The following ETV7 variants were observed in gnomAD, a reference collection of about 807,000 sequenced individuals.
ETV7 encodes the protein transcription factor ETV7.
ETV7 carries 43 observed loss-of-function variants against 39.1 expected under a neutral mutation model. That is an observed-to-expected ratio of 1.10 (90% CI 0.86 to 1.42). The LOEUF (loss-of-function observed/expected upper bound fraction) is 1.42. Among genes scored for constraint, ETV7 ranks in the 40% most tolerant of loss-of-function variants. ETV7 has a pLI of 0.00. For missense variants in ETV7, 432 were observed against 442.3 expected, an observed-to-expected ratio of 0.98 and a Z score of 0.21; for synonymous variants, 196 against 176.6, an observed-to-expected ratio of 1.11 and a Z score of -0.87.
chr6:36,362,281 GAAAGAGCGAGACTCTGTCTC>G (rs1285141077), downstream of ETV7, among the ~76,000 whole-genome samples: 6 of 151,560 alleles, frequency 4.0e-5, no homozygotes, highest in Non-Finnish European at 8.8e-5. Context: ...CGGCCTGTGT[GAAAGAGCGAGACTCTGTCTC>G]AAAAAAAAAA....
Position 36,373,377 on chromosome 6 carries a change from G to C in ETV7, c.433+76C>G, listed in dbSNP as rs576401158. ...CACTGGCCACCTCTTTCATTGCTTCGCCTTGAGGATGTCCTGCCCTCCCAG... is the reference window on the plus strand; with the variant it reads ...CACTGGCCACCTCTTTCATTGCTTCCCCTTGAGGATGTCCTGCCCTCCCAG... On this transcript the variant is annotated intron_variant, in intron 4 of 7. Transcript: ENST00000340181. 25 of 1,421,644 alleles carry C rather than the reference G, an allele frequency of 1.8e-5. No individual in the cohort carries two copies. The South Asian group carries it at 2.7e-4, about 16-fold the overall frequency. The allele number at this position is 1,421,644 out of a possible 1,614,324, so 88.1% of individuals were successfully genotyped here.
At position 36,366,674 on chromosome 6, in the gene ETV7, T is replaced by C; in HGVS notation, c.997A>G (p.Lys333Glu). 6.2e-7 allele frequency: 1 copy of C among 1,614,152 alleles called. No homozygotes were observed. The highest frequency in any genetic ancestry group is 8.5e-7 in the Non-Finnish European group (1 of 1,180,034). The change falls in exon 8 of 8, where the codon AAG (lysine) becomes GAG (glutamate). Residue 333 changes from lysine to glutamate, a missense_variant. Transcript: ENST00000340181. ...ESQEQDRIEF[K>E]DKRPEISP Reference sequence around the variant, plus strand: ...GGAGAGATTTCTGGCCTCTTGTCCTTGAACTCTATTCTGTCCTGCTCCTGG... The same window carrying C: ...GGAGAGATTTCTGGCCTCTTGTCCTCGAACTCTATTCTGTCCTGCTCCTGG...
chr6:36,374,590 A>G (rs761185644), intron 3 of ETV7, among the ~76,000 whole-genome samples: 2 of 152,214 alleles, frequency 1.3e-5, no homozygotes, highest in Non-Finnish European at 2.9e-5. Flanking sequence ...GACCAGCCCC[A>G]AGCTCACCTG....
intron 5 of ETV7, among the ~76,000 whole-genome samples, chr6:36,371,052 A>C (rs995219770): frequency 6.6e-6 from 1 of 152,256 alleles, no homozygotes; most frequent in Non-Finnish European, 1.5e-5. Context: ...ATAAAGTTTT[A>C]AAAGGCAGGT....
rs1046309462 is a variant in ETV7, at chr6:36,366,627, C to G, written c.*18G>C. 2 of 1,614,134 alleles carry G rather than the reference C, an allele frequency of 1.2e-6. No homozygotes were observed. Among genetic ancestry groups the G allele is most frequent in the Non-Finnish European group, 1.7e-6 (2 of 1,180,024 alleles). The stretch of plus-strand genomic sequence containing the variant: ...TCCCTGCCCCATCGGTACCGGGTGC[C>G]TGGAGTCCACCTGCCCCTCACGGAG... On this transcript the variant is annotated 3_prime_UTR_variant, in exon 8 of 8. Transcript: ENST00000340181.
downstream of ETV7, among the ~76,000 whole-genome samples, chr6:36,363,071 G>A (rs557182359): frequency 2.6e-5 from 4 of 151,740 alleles, no homozygotes; most frequent in East Asian, 3.9e-4. Flanking sequence ...TGAGGGCCTG[G>A]ATAAATTCAT....
At chr6:36,355,272 T>C (rs184842004) in intron 7 of ETV7, among the ~76,000 whole-genome samples, 2 of 152,334 alleles carry the variant, frequency 1.3e-5, no homozygotes, top group Admixed American at 1.3e-4. Context: ...TCTTGGTTTG[T>C]TGAATATTTT....
intron 7 of ETV7, among the ~76,000 whole-genome samples, chr6:36,360,636 C>T (rs1357786466): frequency 2.6e-5 from 4 of 152,132 alleles, no homozygotes; most frequent in Admixed American, 2.0e-4. Flanking sequence ...AGTCAGCCAC[C>T]GCCCGGCCCC....
chr6:36,369,220 CT>C, intron 5 of ETV7, 149 bp from the exon 6 acceptor site: 1 of 812,110 alleles, frequency 1.2e-6, no homozygotes, highest in South Asian at 1.7e-5. Flanking sequence ...GAAACAGCCA[CT>C]AATGGGGCTC....
downstream of ETV7, among the ~76,000 whole-genome samples, chr6:36,365,795 C>T (rs1772690036): frequency 6.6e-6 from 1 of 152,196 alleles, no homozygotes; most frequent in Admixed American, 6.5e-5. Flanking sequence ...GTGTCCTCAT[C>T]TTCACGCCTG....
intron 7 of ETV7, among the ~76,000 whole-genome samples, chr6:36,358,302 CAAGCTTTTGTTTCTGTCA>C (rs1365405931): frequency 6.6e-6 from 1 of 152,192 alleles, no homozygotes; most frequent in Non-Finnish European, 1.5e-5. Context: ...GTTGAGCTGC[CAAGCTTTTGTTTCTGTCA>C]TTTCACTGGG....
Position 36,383,157 on chromosome 6 carries a change from G to A in ETV7, c.142+2377C>T, listed in dbSNP as rs569863450. ...CCAGCTGTCCCTGCCCTGCAGCTGC[G>A]TCCCCCCATAGCTCCTGACTCACTC... On this transcript the variant is annotated intron_variant, in intron 2 of 7. Coordinates refer to ENST00000340181, the MANE Select transcript of ETV7 (RefSeq NM_016135.4). Among the ~76,000 whole-genome samples the A allele has an allele frequency of 8.5e-5, 13 of 152,288 alleles. No individual in the cohort carries two copies. The South Asian group carries it at 1.2e-3, about 15-fold the overall frequency.
At chr6:36,373,133 A>G (rs1218519149) in intron 4 of ETV7, among the ~76,000 whole-genome samples, 1 of 152,084 alleles carries the variant, frequency 6.6e-6, no homozygotes, top group Non-Finnish European at 1.5e-5. Flanking sequence ...GAGAGTGGCC[A>G]TGGAATGGAC....
intron 1 of ETV7, chr6:36,387,036 T>G: frequency 2.8e-5 from 5 of 175,542 alleles, no homozygotes; most frequent in South Asian, 2.1e-4. Context: ...CAGGGAAGGG[T>G]CTGATAATGG....
chr6:36,366,751 G>A lies in ETV7; in HGVS notation c.920C>T (p.Thr307Ile). 1.2e-6 allele frequency: 2 copies of A among 1,614,012 alleles called. No individual in the cohort carries two copies. Among genetic ancestry groups the A allele is most frequent in the Non-Finnish European group, 1.7e-6 (2 of 1,179,990 alleles). The change falls in exon 8 of 8, where the codon ACT becomes ATT. Residue 307 changes from threonine to isoleucine, a missense_variant. By Grantham distance (89) the Thr-to-Ile change is moderately conservative. Coordinates refer to ENST00000340181, the MANE Select transcript of ETV7 (RefSeq NM_016135.4). ...CTTGTCCTGGACCATCTTTCCCGGA[G>A]TCTTTAGAAATCTAGAATTCAGGCC... ...GQKLLFRFLK[T>I]PGKMVQDKHS...
rs146483085 is a variant in ETV7, at chr6:36,359,816, G to T, written c.909-5129C>A. On this transcript the variant is annotated intron_variant, in intron 7 of 7. Coordinates refer to the ETV7 transcript ENST00000339796. Reference sequence around the variant, plus strand: ...TGTGCTAAGCAGGGCAAAGGATGTTGTCTTTCATTTTACAAAAGTAGAAAG... The same window carrying T: ...TGTGCTAAGCAGGGCAAAGGATGTTTTCTTTCATTTTACAAAAGTAGAAAG... Among the ~76,000 whole-genome samples the T allele has an allele frequency of 2.4e-3, 366 of 152,240 alleles. 1 individual carries two copies. Among genetic ancestry groups the T allele is most frequent in the African/African-American group, 8.4e-3 (347 of 41,552 alleles).
At chr6:36,373,601 G>GGGGGCC in intron 3 of ETV7, 23 bp from the exon 4 acceptor site, 1 of 475,650 alleles carries the variant, frequency 2.1e-6, no homozygotes, top group Non-Finnish European at 4.0e-6. Context: ...GGGAGGGAGG[G>GGGGGCC]CAGGCTGCTG....
downstream of ETV7, among the ~76,000 whole-genome samples, chr6:36,363,559 G>A (rs1385515329): frequency 4.6e-5 from 7 of 152,242 alleles, no homozygotes; most frequent in Admixed American, 6.5e-5. Context: ...AATAAAAGCA[G>A]CGTGGACCCA....
chr6:36,378,474 T>G (rs1404421593), intron 2 of ETV7, among the ~76,000 whole-genome samples: 3 of 152,200 alleles, frequency 2.0e-5, no homozygotes, highest in African/African-American at 7.2e-5. Context: ...AACACACATT[T>G]GACTACATTA....
Sources: allele counts gnomAD v4.1 joint callset (sites outside exome capture counted in the v4.1 genomes callset), GRCh38; gene constraint gnomAD v4.1.1; transcripts MANE v1.5; gene names NCBI Gene and HGNC (gene_info 2026-07-23, HGNC 2026-07-21).